TRPV2: variants seen among roughly 807,000 people sequenced by gnomAD.
TRPV2 encodes OTRPC2.
A neutral mutation model predicts 91.0 loss-of-function variants in TRPV2; 58 were observed. The observed-to-expected ratio is 0.64, with a 90% CI of 0.52 to 0.79. TRPV2 has a LOEUF of 0.79. Among genes scored for constraint, TRPV2 ranks in the 30% least tolerant of loss-of-function variants. TRPV2 has a pLI of 0.00. For missense variants in TRPV2, 807 were observed against 969.6 expected, an observed-to-expected ratio of 0.83 and a Z score of 2.23; for synonymous variants, 417 against 414.8, an observed-to-expected ratio of 1.01 and a Z score of -0.06.
chr17:16,419,769 G>A (rs1321570197), intron 2 of TRPV2, among the ~76,000 whole-genome samples: 2 of 152,226 alleles, frequency 1.3e-5, no homozygotes, highest in Non-Finnish European at 2.9e-5. Context: ...GCCACCACAA[G>A]TGGTGTGTGC....
Position 16,431,973 on chromosome 17 carries a change from G to A in TRPV2, c.1662G>A (p.Val554=), listed in dbSNP as rs1338110621. The A allele has an allele frequency of 6.2e-7, 1 of 1,604,838 alleles. No homozygotes were observed. Among genetic ancestry groups the A allele is most frequent in the Non-Finnish European group, 8.5e-7 (1 of 1,173,780 alleles). The change falls in exon 12 of 15, where the codon GTG becomes GTA. Residue 554 remains valine, a synonymous_variant. Transcript: ENST00000338560. Reference sequence around the variant, plus strand: ...TCTCCCTTCATCCCATAGCCCTGGTGAGCCTGAGCCAGGAGGCTTGGCGCC... The same window carrying A: ...TCTCCCTTCATCCCATAGCCCTGGTAAGCCTGAGCCAGGAGGCTTGGCGCC... The part of the protein sequence containing the change: ...VFLFGFAVAL[V]SLSQEAWRPE...
chr17:16,427,276 C>T (rs2093387874), intron 7 of TRPV2, among the ~76,000 whole-genome samples, 173 bp from the exon 8 acceptor site: 1 of 152,268 alleles, frequency 6.6e-6, no homozygotes, highest in South Asian at 2.1e-4. Context: ...TGAAATGCTA[C>T]ACAATGTGCC....
intron 10 of TRPV2, among the ~76,000 whole-genome samples, chr17:16,431,286 T>TATATAC (rs1491151601): frequency 1.8e-4 from 9 of 48,700 alleles, no homozygotes; most frequent in African/African-American, 6.6e-4. Flanking sequence ...TATATATATA[T>TATATAC]ACATATTTTT....
In TRPV2 at chr17:16,428,353, A is replaced by C. The variant is rs757603949; in HGVS notation, c.1387A>C (p.Ile463Leu). Residue 463 changes from isoleucine (I) to leucine (L), a missense_variant, in exon 9 of 15, where the codon ATC becomes CTC. Coordinates refer to ENST00000338560, the MANE Select transcript of TRPV2 (RefSeq NM_016113.5). ...YFWRRHVFIW[I>L]SFIDSYFEIL... is the part of the protein sequence containing the mutation. Reference sequence around the variant, plus strand: ...CTGGCGGCGCCACGTGTTCATCTGGATCTCGTTCATAGACAGCTACTTTGA... The same window carrying C: ...CTGGCGGCGCCACGTGTTCATCTGGCTCTCGTTCATAGACAGCTACTTTGA... 6.2e-7 allele frequency: 1 copy of C among 1,614,038 alleles called. No individual in the cohort carries two copies. The highest frequency in any genetic ancestry group is 8.5e-7 in the Non-Finnish European group (1 of 1,180,004).
chr17:16,416,028 G>A (rs2142960689), intron 1 of TRPV2, 195 bp downstream of exon 1: 1 of 152,626 alleles, frequency 6.6e-6, no homozygotes, highest in Admixed American at 6.5e-5. Context: ...AGGGTCCCAG[G>A]AGGTGGGGTG....
intron 10 of TRPV2, among the ~76,000 whole-genome samples, chr17:16,431,197 T>G (rs2093408185): frequency 7.3e-6 from 1 of 137,600 alleles, no homozygotes; most frequent in African/African-American, 2.7e-5. Flanking sequence ...CACTGTAGGC[T>G]TGTGCCACCA....
Position 16,422,659 on chromosome 17 carries a change from A to G in TRPV2, c.395A>G (p.Asn132Ser). 1.2e-6 allele frequency: 2 copies of G among 1,614,098 alleles called. No homozygotes were observed. The highest frequency in any genetic ancestry group is 1.7e-6 in the Non-Finnish European group (2 of 1,179,994). ...KAVLNLKDGV[N>S]ACILPLLQID... Reference sequence around the variant, plus strand: ...GTGCTGAACCTTAAGGACGGAGTCAATGCCTGCATTCTGCCACTGCTGCAG... The same window carrying G: ...GTGCTGAACCTTAAGGACGGAGTCAGTGCCTGCATTCTGCCACTGCTGCAG... Residue 132 changes from asparagine (N) to serine (S), a missense_variant, in exon 4 of 15, where the codon AAT becomes AGT. Physicochemically the swap from Asn to Ser is conservative, Grantham distance 46. Transcript: ENST00000338560.
Position 16,423,566 on chromosome 17 carries a change from T to A in TRPV2, c.723T>A (p.Thr241=). The change falls in exon 5 of 15, where the codon ACT becomes ACA. Residue 241 remains threonine, a synonymous_variant. Transcript: ENST00000338560. ...ACCAGCCCGCCAGCCTGCAGGCCAC[T>A]GACTCCCAGGGCAACACAGTCCTGC... ...NPHQPASLQA[T]DSQGNTVLHA... 2.5e-6 allele frequency: 4 copies of A among 1,614,198 alleles called. No homozygotes were observed. Among genetic ancestry groups the A allele is most frequent in the Non-Finnish European group, 3.4e-6 (4 of 1,180,026 alleles).
chr17:16,434,482 A>AG lies in TRPV2; in HGVS notation c.2115-408_2115-407insG, dbSNP rs1444213578. ...GACTCCATCTCAAAAAAAAAAAAAAAAAGAAAACAACAGCAACAAAAAAAA... is the reference window on the plus strand; with the variant it reads ...GACTCCATCTCAAAAAAAAAAAAAAAGAAGAAAACAACAGCAACAAAAAAAA... On this transcript the variant is annotated intron_variant, in intron 13 of 14. Coordinates refer to ENST00000338560, the MANE Select transcript of TRPV2 (RefSeq NM_016113.5). Among the ~76,000 whole-genome samples the AG allele has an allele frequency of 4.0e-5, 6 of 151,614 alleles. No homozygotes were observed. In the East Asian group the frequency reaches 1.2e-3, roughly 29 times the overall value.
chr17:16,430,562 T>C (rs978195449), intron 10 of TRPV2, among the ~76,000 whole-genome samples: 1 of 151,418 alleles, frequency 6.6e-6, no homozygotes, highest in African/African-American at 2.4e-5. Context: ...CTTGGCTCAC[T>C]GCAACCTCCG....
chr17:16,429,793 C>T (rs1237446110), intron 10 of TRPV2, among the ~76,000 whole-genome samples: 1 of 147,224 alleles, frequency 6.8e-6, no homozygotes, highest in Non-Finnish European at 1.5e-5. Flanking sequence ...GGGCCCCTTC[C>T]ACGGGGAGGG....
chr17:16,434,674 A>G (rs2093427979), intron 13 of TRPV2: 1 of 509,784 alleles, frequency 2.0e-6, no homozygotes, highest in Admixed American at 4.1e-5. Context: ...GAAGCGATGG[A>G]TGCTGATTCC....
rs780935485 is a variant in TRPV2 at position 16,423,548 on chromosome 17, C to T, written c.705C>T (p.Pro235=). The part of the protein sequence containing the change: ...VSYLLENPHQ[P]ASLQATDSQG... ...ACCTCCTGGAGAACCCACACCAGCCCGCCAGCCTGCAGGCCACTGACTCCC... is the reference window on the plus strand; with the variant it reads ...ACCTCCTGGAGAACCCACACCAGCCTGCCAGCCTGCAGGCCACTGACTCCC... Residue 235 remains proline, a synonymous_variant, in exon 5 of 15, where the codon CCC becomes CCT. Transcript: ENST00000338560. 1.2e-5 allele frequency: 19 copies of T among 1,614,022 alleles called. No homozygotes were observed. Among genetic ancestry groups the T allele is most frequent in the Admixed American group, 1.7e-5 (1 of 60,000 alleles).
In TRPV2 at chr17:16,426,152, A is replaced by C. The variant is rs2093382030; in HGVS notation, c.978A>C (p.Arg326=). 6.2e-7 allele frequency: 1 copy of C among 1,614,088 alleles called. No individual in the cohort carries two copies. The highest frequency in any genetic ancestry group is 8.5e-7 in the Non-Finnish European group (1 of 1,180,014). The part of the protein sequence containing the change: ...REFSGLSHLS[R]KFTEWCYGPV... ...TTTCAGGACTGAGCCACCTTTCCCGAAAGTTCACCGAGTGGTGCTATGGGC... is the reference window on the plus strand; with the variant it reads ...TTTCAGGACTGAGCCACCTTTCCCGCAAGTTCACCGAGTGGTGCTATGGGC... Residue 326 remains arginine, a synonymous_variant, in exon 6 of 15, where the codon CGA becomes CGC. Transcript: ENST00000338560. This position sits in a 1 kb window ranked among gnomAD's most constrained non-coding sequence, Gnocchi z 6.0.
Position 16,433,056 on chromosome 17 carries a change from C to T in TRPV2, c.1990-518C>T, listed in dbSNP as rs189724295. Among the ~76,000 whole-genome samples the T allele has an allele frequency of 3.5e-3, 531 of 152,268 alleles. 4 individuals are homozygous for T. Among genetic ancestry groups the T allele is most frequent in the African/African-American group, 0.012 (503 of 41,542 alleles). On this transcript the variant is annotated intron_variant, in intron 12 of 14. Coordinates refer to ENST00000338560, the MANE Select transcript of TRPV2 (RefSeq NM_016113.5). ...CTGACCTCAGGTGATACACCTGCCT[C>T]GGCCTCCCAAAGTGCTGGCATTACA...
At chr17:16,422,563 C>T in intron 3 of TRPV2, 36 bp from the exon 4 acceptor site, 1 of 1,593,892 alleles carries the variant, frequency 6.3e-7, no homozygotes. Flanking sequence ...CAGGTCTCAG[C>T]ACCACTGTGC....
chr17:16,426,621 T>C lies in TRPV2; in HGVS notation c.1096-101T>C. The C allele has an allele frequency of 2.1e-6, 3 of 1,408,732 alleles. No homozygotes were observed. Among genetic ancestry groups the C allele is most frequent in the Non-Finnish European group, 2.9e-6 (3 of 1,039,536 alleles). 87.3% of individuals were successfully genotyped at this position (1,408,732 alleles called of 1,614,324 possible). A position where few individuals can be genotyped will look rare whatever the true frequency, so the allele number is the denominator to read the frequency against. On this transcript the variant is annotated intron_variant, in intron 6 of 14. Coordinates refer to ENST00000338560, the MANE Select transcript of TRPV2 (RefSeq NM_016113.5). The surrounding 1 kb of genome is among the most constrained non-coding windows in gnomAD (Gnocchi z 6.0). Reference sequence around the variant, plus strand: ...GGGTGTGGAAGCCTGCTCCCTGTCCTCTCTCCTCATTTCCTGGGCCCTTGC... The same window carrying C: ...GGGTGTGGAAGCCTGCTCCCTGTCCCCTCTCCTCATTTCCTGGGCCCTTGC...
At position 16,436,973 on chromosome 17, in the gene TRPV2, C is replaced by A; in HGVS notation, c.*84C>A. 9.3e-7 allele frequency: 1 copy of A among 1,072,624 alleles called. No homozygotes were observed. The highest frequency in any genetic ancestry group is 1.3e-5 in the South Asian group (1 of 77,450). The allele number at this position is 1,072,624 out of a possible 1,614,324, so 66.4% of individuals were successfully genotyped here. A position where few individuals can be genotyped will look rare whatever the true frequency, so the allele number is the denominator to read the frequency against. ...GCTGGCTCTGGGGTCCCAGTGAATT[C>A]TGGTGGCAAATATATATTTTCACTA... On this transcript the variant is annotated 3_prime_UTR_variant, in exon 15 of 15. Transcript: ENST00000338560.
At chr17:16,434,417 G>A (rs1156605186) in intron 13 of TRPV2, among the ~76,000 whole-genome samples, 1 of 147,116 alleles carries the variant, frequency 6.8e-6, no homozygotes, top group African/African-American at 2.5e-5. Context: ...GCAGTGAGCT[G>A]AGATCGCACC....
Sources: gnomAD v4.1 joint callset for allele counts (sites outside exome capture counted in the v4.1 genomes callset) on GRCh38, gnomAD v4.1.1 for gene constraint, Gnocchi (gnomAD v3.1) non-coding constraint, MANE v1.5 for transcripts, NCBI Gene and HGNC (gene_info 2026-07-23, HGNC 2026-07-21) for gene names.